TFPI: variants seen among roughly 807,000 people sequenced by gnomAD.
The protein encoded by TFPI is tissue factor pathway inhibitor, also known as anti-convertin.
A neutral mutation model predicts 34.6 loss-of-function variants in TFPI; 15 were observed. That is an observed-to-expected ratio of 0.43 (90% CI 0.29 to 0.67). The LOEUF (loss-of-function observed/expected upper bound fraction) is 0.67, where lower values mean the gene tolerates loss of function less well. Among genes scored for constraint, TFPI ranks in the 30% least tolerant of loss-of-function variants. TFPI has a pLI of 0.15. For missense variants in TFPI, 301 were observed against 364.0 expected (o/e 0.83, Z 1.41); for synonymous variants, 105 against 120.1 (o/e 0.87, Z 0.82).
chr2:187,508,560 T>C (rs1040325597), intron 1 of TFPI, among the ~76,000 whole-genome samples: 2 of 152,226 alleles, frequency 1.3e-5, no homozygotes, highest in Admixed American at 1.3e-4. Context: ...TATTTTATTC[T>C]CTTTGTCGCA....
chr2:187,535,783 T>C (rs1009051267), intron 1 of TFPI, among the ~76,000 whole-genome samples: 4 of 152,056 alleles, frequency 2.6e-5, no homozygotes, highest in African/African-American at 9.7e-5. Flanking sequence ...AAAAAATCAC[T>C]GAATCCAGGA....
At position 187,465,492 on chromosome 2, in the gene TFPI, G is replaced by GAAAAAAAAAAAAAAAAAAGAAAAAAA. The variant is rs199557966; in HGVS notation, c.*1443_*1444insTTTTTTTCTTTTTTTTTTTTTTTTTT. 1.5e-5 allele frequency: 1 copy of GAAAAAAAAAAAAAAAAAAGAAAAAAA among 67,788 alleles called. No individual in the cohort carries two copies. The highest frequency in any genetic ancestry group is 2.8e-5 in the Non-Finnish European group (1 of 35,778). 4.2% of individuals were successfully genotyped at this position (67,788 alleles called of 1,614,324 possible). A position where few individuals can be genotyped will look rare whatever the true frequency, so the allele number is the denominator to read the frequency against. On this transcript the variant is annotated 3_prime_UTR_variant, in exon 8 of 8. Transcript: ENST00000233156. ...AAAACATAACAAAACAAAACAAAATGAAAAAAAAAAAAAAACAAGAAAAAA... is the reference window on the plus strand; with the variant it reads ...AAAACATAACAAAACAAAACAAAATGAAAAAAAAAAAAAAAAAAGAAAAAAAAAAAAAAAAAAAAAACAAGAAAAAA...
At chr2:187,503,303 G>A (rs1030221384) in intron 2 of TFPI, among the ~76,000 whole-genome samples, 3 of 151,998 alleles carry the variant, frequency 2.0e-5, no homozygotes, top group African/African-American at 7.2e-5. Flanking sequence ...TAGCCAAAGG[G>A]TAGCATCAAA....
At chr2:187,505,521 A>G (rs1574449553) in intron 1 of TFPI, among the ~76,000 whole-genome samples, 2 of 152,038 alleles carry the variant, frequency 1.3e-5, no homozygotes, top group Admixed American at 6.6e-5. Flanking sequence ...TTGTGGCTAC[A>G]CTCCTTAGAC....
At chr2:187,546,472 A>G (rs1294926408) in intron 1 of TFPI, among the ~76,000 whole-genome samples, 1 of 152,086 alleles carries the variant, frequency 6.6e-6, no homozygotes, top group Non-Finnish European at 1.5e-5. Flanking sequence ...ATCTGAACCA[A>G]ACGGAGGTTT....
intron 1 of TFPI, among the ~76,000 whole-genome samples, chr2:187,543,778 C>T (rs1475817110): frequency 6.6e-6 from 1 of 152,132 alleles, no homozygotes; most frequent in Non-Finnish European, 1.5e-5. Context: ...GATGTAGCTG[C>T]ATGGTTGGGG....
chr2:187,552,649 G>A (rs1446871023), intron 1 of TFPI, among the ~76,000 whole-genome samples: 1 of 151,906 alleles, frequency 6.6e-6, no homozygotes, highest in African/African-American at 2.4e-5. Context: ...TTCCAAAGGA[G>A]TTTTGATTTA....
At chr2:187,542,383 CAGAGAG>C (rs900783765) in intron 1 of TFPI, among the ~76,000 whole-genome samples, 1 of 150,712 alleles carries the variant, frequency 6.6e-6, no homozygotes, top group Non-Finnish European at 1.5e-5. Flanking sequence ...GAAACAGAAA[CAGAGAG>C]AGAGATGAGA....
chr2:187,467,093 A>G (rs752928070), intron 7 of TFPI, 51 bp from the exon 8 acceptor site: 6 of 1,176,938 alleles, frequency 5.1e-6, no homozygotes, highest in Non-Finnish European at 3.6e-6. Flanking sequence ...ACACAATGAA[A>G]TGTTTTATCT....
intron 6 of TFPI, among the ~76,000 whole-genome samples, chr2:187,483,235 C>CA (rs1693007312): frequency 6.6e-6 from 1 of 151,776 alleles, no homozygotes; most frequent in African/African-American, 2.4e-5. Context: ...TAGAGAATTC[C>CA]TGGCCCAAAC....
chr2:187,490,421 A>G (rs1449184414), intron 3 of TFPI, among the ~76,000 whole-genome samples: 1 of 151,624 alleles, frequency 6.6e-6, no homozygotes, highest in Non-Finnish European at 1.5e-5. Context: ...TGTAATTAGG[A>G]CCATGCACAT....
intron 1 of TFPI, among the ~76,000 whole-genome samples, chr2:187,511,174 C>T (rs189444730): frequency 1.2e-4 from 19 of 152,250 alleles, no homozygotes; most frequent in South Asian, 1.2e-3. Context: ...GGCTGAACAC[C>T]GGGAAAGAAC....
At chr2:187,531,559 G>A (rs931578227) in intron 1 of TFPI, among the ~76,000 whole-genome samples, 3 of 151,374 alleles carry the variant, frequency 2.0e-5, no homozygotes, top group African/African-American at 7.3e-5. Context: ...TAAAAATATC[G>A]ATAGCATATT....
At chr2:187,543,622 A>G (rs1335382489) in intron 1 of TFPI, among the ~76,000 whole-genome samples, 1 of 152,238 alleles carries the variant, frequency 6.6e-6, no homozygotes, top group Non-Finnish European at 1.5e-5. Flanking sequence ...TAATATGTTC[A>G]TAAATCCAGC....
intron 6 of TFPI, among the ~76,000 whole-genome samples, chr2:187,476,651 T>G (rs1692397030): frequency 6.6e-6 from 1 of 152,110 alleles, no homozygotes; most frequent in Non-Finnish European, 1.5e-5. Flanking sequence ...CCATTTTGTA[T>G]TAATACTTCT....
intron 6 of TFPI, among the ~76,000 whole-genome samples, chr2:187,481,397 A>G (rs997599249): frequency 2.0e-5 from 3 of 152,118 alleles, no homozygotes; most frequent in Non-Finnish European, 4.4e-5. Context: ...GGAAATTAAG[A>G]GGTGTCTGTA....
At chr2:187,481,516 G>A (rs1239261452) in intron 6 of TFPI, among the ~76,000 whole-genome samples, 1 of 151,936 alleles carries the variant, frequency 6.6e-6, no homozygotes, top group Non-Finnish European at 1.5e-5. Context: ...GGGCAGATTC[G>A]AAATCACGTA....
chr2:187,492,783 A>G (rs1016206285), intron 3 of TFPI, among the ~76,000 whole-genome samples: 1 of 152,164 alleles, frequency 6.6e-6, no homozygotes, highest in African/African-American at 2.4e-5. Context: ...CCCCCATTGT[A>G]TCTAGGAAGT....
chr2:187,481,772 G>A (rs1324735998), intron 6 of TFPI, among the ~76,000 whole-genome samples: 1 of 151,792 alleles, frequency 6.6e-6, no homozygotes, highest in Non-Finnish European at 1.5e-5. Flanking sequence ...AAATAAAACA[G>A]TTTTTTAGAC....
Sources: gnomAD v4.1 joint callset for allele counts (sites outside exome capture counted in the v4.1 genomes callset) on GRCh38, gnomAD v4.1.1 for gene constraint, MANE v1.5 for transcripts, NCBI Gene and HGNC (gene_info 2026-07-23, HGNC 2026-07-21) for gene names.